Variants in ATRNL1 observed in about 807,000 individuals in gnomAD.
ATRNL1 encodes the protein attractin like 1.
ATRNL1 carries 95 observed loss-of-function variants against 182.7 expected under a neutral mutation model. The observed-to-expected ratio is 0.52, with a 90% confidence interval of 0.44 to 0.62. The LOEUF (loss-of-function observed/expected upper bound fraction) is 0.62. Ranked by LOEUF, ATRNL1 falls within the 20% of genes least tolerant of loss-of-function variation. The pLI is 0.00. For synonymous variants in ATRNL1, 576 were observed against 568.3 expected, an observed-to-expected ratio of 1.01 and a Z score of -0.19; for missense variants, 1,471 against 1,679.5, an observed-to-expected ratio of 0.88 and a Z score of 2.17.
At chr10:115,393,850 C>A (rs1427710053) in intron 19 of ATRNL1, among the ~76,000 whole-genome samples, 1 of 152,028 alleles carries the variant, frequency 6.6e-6, no homozygotes, top group Admixed American at 6.6e-5. Context: ...AATAATTGAA[C>A]AGTGCTCTTT....
intron 15 of ATRNL1, among the ~76,000 whole-genome samples, chr10:115,298,447 G>T (rs530582647): frequency 2.0e-5 from 3 of 151,974 alleles, no homozygotes; most frequent in Non-Finnish European, 4.4e-5. Context: ...TTTTTATCAC[G>T]ATGAGTTAGG....
intron 21 of ATRNL1, among the ~76,000 whole-genome samples, chr10:115,458,991 C>T (rs1847665477): frequency 6.6e-6 from 1 of 152,082 alleles, no homozygotes; most frequent in South Asian, 2.1e-4. Flanking sequence ...TTTATTAGTT[C>T]CCCAAATTAA....
rs556958319 is a variant in ATRNL1, at chr10:115,927,542, A to G, written c.4019-17116A>G. Among the ~76,000 whole-genome samples, 6 of 152,230 alleles carry G rather than the reference A, an allele frequency of 3.9e-5. No homozygotes were observed. In the South Asian group the frequency reaches 8.3e-4, roughly 21 times the overall value. On this transcript the variant is annotated intron_variant, in intron 28 of 28. Coordinates refer to ENST00000355044, the MANE Select transcript of ATRNL1 (RefSeq NM_207303.4). ...TAGGGAAGTCCTTTCCAAACACCATATAAACATTAAGATGATCTTTAGCTT... is the reference window on the plus strand; with the variant it reads ...TAGGGAAGTCCTTTCCAAACACCATGTAAACATTAAGATGATCTTTAGCTT...
chr10:115,458,289 G>A (rs1847624096), intron 21 of ATRNL1, among the ~76,000 whole-genome samples: 1 of 152,122 alleles, frequency 6.6e-6, no homozygotes, highest in Non-Finnish European at 1.5e-5. Flanking sequence ...TCCTAGTTAA[G>A]TGGAAAATTG....
intron 9 of ATRNL1, among the ~76,000 whole-genome samples, chr10:115,236,346 T>C (rs1554901407): frequency 6.6e-6 from 1 of 152,200 alleles, no homozygotes; most frequent in Non-Finnish European, 1.5e-5. Context: ...CTGTCTAAAT[T>C]GCATAATGAT....
At chr10:115,149,265 A>G (rs1480389507) in intron 5 of ATRNL1, among the ~76,000 whole-genome samples, 1 of 152,162 alleles carries the variant, frequency 6.6e-6, no homozygotes, top group Non-Finnish European at 1.5e-5. Flanking sequence ...GCTTCCAGGT[A>G]TCCCTTTTCT....
In ATRNL1 at chr10:115,160,163, G is replaced by T. The variant is rs1554882922; in HGVS notation, c.953G>T (p.Trp318Leu). Residue 318 changes from tryptophan (W) to leucine (L), a missense_variant, in exon 6 of 29, where the codon TGG becomes TTG. Coordinates refer to ENST00000355044, the MANE Select transcript of ATRNL1 (RefSeq NM_207303.4). The part of the protein sequence containing the change: ...HKAVLHGKFM[W>L]VIGGYTFNYS... ...GCAGTTTTACACGGGAAATTTATGT[G>T]GGTGATTGGTGGATATACTTTTAAC... 1 of 1,612,204 alleles carries T rather than the reference G, an allele frequency of 6.2e-7. No individual in the cohort carries two copies. The highest frequency in any genetic ancestry group is 2.2e-5 in the East Asian group (1 of 44,790).
At chr10:115,636,488 A>G (rs1329471583) in intron 26 of ATRNL1, among the ~76,000 whole-genome samples, 2 of 152,228 alleles carry the variant, frequency 1.3e-5, no homozygotes, top group Non-Finnish European at 2.9e-5. Flanking sequence ...ACCACAGCCC[A>G]CCATAGTTAT....
At position 115,390,113 on chromosome 10, in the gene ATRNL1, A is replaced by G. The variant is rs1592581679; in HGVS notation, c.3176-4546A>G. On this transcript the variant is annotated intron_variant, in intron 19 of 28. Transcript: ENST00000355044. ...TGAATATTAGCCTCTTACCAGATGTATGGGTTGTGAATATTTTCTCCCGGT... is the reference window on the plus strand; with the variant it reads ...TGAATATTAGCCTCTTACCAGATGTGTGGGTTGTGAATATTTTCTCCCGGT... Among the ~76,000 whole-genome samples, 3 of 152,104 alleles carry G rather than the reference A, an allele frequency of 2.0e-5. No individual in the cohort carries two copies. In the South Asian group the frequency reaches 6.2e-4, roughly 32 times the overall value.
intron 19 of ATRNL1, among the ~76,000 whole-genome samples, chr10:115,358,128 T>A (rs1246912432): frequency 6.6e-6 from 1 of 151,656 alleles, no homozygotes; most frequent in Admixed American, 6.6e-5. Flanking sequence ...TTACCTGACA[T>A]GATATAAGTT....
At chr10:115,301,726 C>A in intron 16 of ATRNL1, 129 bp from the exon 17 acceptor site, 1 of 644,848 alleles carries the variant, frequency 1.6e-6, no homozygotes. Flanking sequence ...TTTTATCTAC[C>A]TCATCATATT....
intron 24 of ATRNL1, among the ~76,000 whole-genome samples, chr10:115,493,222 G>A (rs192280001): frequency 4.5e-4 from 68 of 152,144 alleles, no homozygotes; most frequent in African/African-American, 1.6e-3. Context: ...CCCAGGTAAT[G>A]AGCATAGTAC....
intron 27 of ATRNL1, among the ~76,000 whole-genome samples, chr10:115,768,269 G>C (rs1555075508): frequency 6.6e-6 from 1 of 152,092 alleles, no homozygotes; most frequent in East Asian, 1.9e-4. Flanking sequence ...AATTTTCAGA[G>C]CTACATGGTG....
intron 26 of ATRNL1, among the ~76,000 whole-genome samples, chr10:115,588,076 T>C (rs1555010817): frequency 6.6e-6 from 1 of 152,192 alleles, no homozygotes; most frequent in East Asian, 1.9e-4. Flanking sequence ...ATGGAAGTTT[T>C]CCTTTCTTTT....
intron 26 of ATRNL1, among the ~76,000 whole-genome samples, chr10:115,552,137 G>A (rs1853027115): frequency 6.6e-6 from 1 of 151,356 alleles, no homozygotes; most frequent in Non-Finnish European, 1.5e-5. Context: ...GGGAACTACT[G>A]TGTTAAGAAA....
At chr10:115,484,694 A>G (rs141654377) in intron 24 of ATRNL1, among the ~76,000 whole-genome samples, 1 of 151,972 alleles carries the variant, frequency 6.6e-6, no homozygotes, top group Non-Finnish European at 1.5e-5. Flanking sequence ...AATATATAAT[A>G]TGTGAATTGC....
At chr10:115,628,520 A>ATAGATT (rs139731455) in intron 26 of ATRNL1, among the ~76,000 whole-genome samples, 2,955 of 152,232 alleles carry the variant, frequency 0.019, 65 homozygotes, top group East Asian at 0.12. Context: ...CTCCCGTTCT[A>ATAGATT]TAGATTGTCT....
chr10:115,617,374 T>TG (rs1857492963), intron 26 of ATRNL1, among the ~76,000 whole-genome samples: 1 of 151,798 alleles, frequency 6.6e-6, no homozygotes. Context: ...TTTTTTGTTT[T>TG]TTTTTAAACG....
At chr10:115,549,370 AT>A in intron 25 of ATRNL1, 87 bp from the exon 26 acceptor site, 1 of 669,120 alleles carries the variant, frequency 1.5e-6, no homozygotes, top group Non-Finnish European at 2.3e-6. Context: ...ACTTATATAT[AT>A]ATGTATTTGA....
Sources: gnomAD v4.1 joint callset for allele counts (sites outside exome capture counted in the v4.1 genomes callset) on GRCh38, gnomAD v4.1.1 for gene constraint, MANE v1.5 for transcripts, NCBI Gene and HGNC (gene_info 2026-07-23, HGNC 2026-07-21) for gene names.